Variants in NBAS observed in about 807,000 individuals in gnomAD.
NBAS encodes the protein NAG/BC035112 fusion.
NBAS carries 219 observed loss-of-function variants against 302.5 expected under a neutral mutation model. The ratio of observed to expected loss-of-function variants is 0.72; its 90% confidence interval spans 0.65 to 0.81. The LOEUF is 0.81. Ranked by LOEUF, NBAS falls within the 30% of genes least tolerant of loss-of-function variation. The probability of loss-of-function intolerance (pLI) is 0.00; values close to 1 mark genes in which losing one functional copy is unlikely to be tolerated. For synonymous variants in NBAS, 1,118 were observed against 1,021.6 expected (o/e 1.09, Z -1.80); for missense variants, 2,932 against 2,841.6 (o/e 1.03, Z -0.72).
At chr2:14,825,029 A>T in the NBAS span, among the ~76,000 whole-genome samples, 7 of 152,164 alleles carry the variant, frequency 4.6e-5, no homozygotes, top group African/African-American at 1.7e-4. Flanking sequence ...CACATAAAGT[A>T]TTTTAATTCA....
At chr2:15,172,989 G>C (rs1468966805) in intron 51 of NBAS, among the ~76,000 whole-genome samples, 1 of 152,170 alleles carries the variant, frequency 6.6e-6, no homozygotes, top group African/African-American at 2.4e-5. Context: ...AAGCTTTTAA[G>C]TGCCCAGCAC....
the NBAS span, among the ~76,000 whole-genome samples, chr2:14,968,305 G>T: frequency 6.6e-6 from 1 of 152,032 alleles, no homozygotes; most frequent in East Asian, 1.9e-4. Context: ...AGTTGGCAAA[G>T]TCTCTAAATA....
At chr2:15,338,395 T>A (rs1672689714) in intron 35 of NBAS, among the ~76,000 whole-genome samples, 1 of 152,120 alleles carries the variant, frequency 6.6e-6, no homozygotes, top group South Asian at 2.1e-4. Context: ...GCAAATTTCA[T>A]CTGAACTCAA....
At chr2:15,308,579 G>A (rs919366119) in intron 39 of NBAS, among the ~76,000 whole-genome samples, 1 of 152,162 alleles carries the variant, frequency 6.6e-6, no homozygotes, top group African/African-American at 2.4e-5. Context: ...TAAGCTAACT[G>A]TAGAATTGAC....
chr2:15,357,694 T>C (rs1302819780), intron 32 of NBAS, among the ~76,000 whole-genome samples: 1 of 152,186 alleles, frequency 6.6e-6, no homozygotes, highest in Non-Finnish European at 1.5e-5. Context: ...CAGATGAATA[T>C]ATATATAAAT....
intron 26 of NBAS, among the ~76,000 whole-genome samples, chr2:15,397,137 T>A (rs1675902044): frequency 6.6e-6 from 1 of 152,294 alleles, no homozygotes; most frequent in South Asian, 2.1e-4. Context: ...AATAAAAATG[T>A]GCCTGGTAGG....
chr2:15,546,131 A>G (rs1483123072), intron 6 of NBAS, among the ~76,000 whole-genome samples: 2 of 152,222 alleles, frequency 1.3e-5, no homozygotes, highest in South Asian at 2.1e-4. Context: ...TTAACAACCT[A>G]TCTTTAAGTG....
At chr2:15,433,772 G>A (rs1477013665) in intron 21 of NBAS, among the ~76,000 whole-genome samples, 1 of 152,068 alleles carries the variant, frequency 6.6e-6, no homozygotes, top group Non-Finnish European at 1.5e-5. Context: ...AAGTACAAGA[G>A]AAAGTCACAA....
chr2:15,504,620 T>C (rs1661753775), intron 10 of NBAS, among the ~76,000 whole-genome samples: 1 of 152,176 alleles, frequency 6.6e-6, no homozygotes, highest in Non-Finnish European at 1.5e-5. Flanking sequence ...CAAAAAAGAC[T>C]TCATCATTAG....
chr2:15,012,706 CA>C, the NBAS span, among the ~76,000 whole-genome samples: 5 of 151,944 alleles, frequency 3.3e-5, no homozygotes, highest in Non-Finnish European at 7.4e-5. Flanking sequence ...GTGAATTTCT[CA>C]GTAAAAATCT....
chr2:14,824,486 A>G, the NBAS span, among the ~76,000 whole-genome samples: 2 of 151,746 alleles, frequency 1.3e-5, no homozygotes, highest in African/African-American at 2.4e-5. Context: ...AAAGAAAGAA[A>G]GGGAGGAAAA....
the NBAS span, among the ~76,000 whole-genome samples, chr2:14,831,160 G>GA: frequency 6.6e-6 from 1 of 150,412 alleles, no homozygotes; most frequent in Non-Finnish European, 1.5e-5. Flanking sequence ...TTTCTGTTTT[G>GA]TTTTTTTCAA....
rs370696627 is a variant in NBAS at position 15,461,183 on chromosome 2, G to C, written c.2339+18C>G. On this transcript the variant is annotated intron_variant, in intron 21 of 51. Transcript: ENST00000281513. ...AATATAAAAAAGAAGGTAAAATTCTGTTAACATAGTCACATACCAAGCTTC... is the reference window on the plus strand; with the variant it reads ...AATATAAAAAAGAAGGTAAAATTCTCTTAACATAGTCACATACCAAGCTTC... The C allele has an allele frequency of 9.9e-6, 16 of 1,609,576 alleles. No individual in the cohort carries two copies. The highest frequency in any genetic ancestry group is 1.4e-5 in the Non-Finnish European group (16 of 1,176,226).
At chr2:15,101,679 C>T in the NBAS span, among the ~76,000 whole-genome samples, 40 of 152,230 alleles carry the variant, frequency 2.6e-4, no homozygotes, top group Middle Eastern at 3.4e-3. Context: ...GATGGAGAAA[C>T]ATGGATTTCT....
the NBAS span, among the ~76,000 whole-genome samples, chr2:15,156,075 C>A: frequency 6.6e-6 from 1 of 152,172 alleles, no homozygotes; most frequent in African/African-American, 2.4e-5. Context: ...AAAAAGCAAC[C>A]ATTTCCTGCC....
chr2:15,272,722 A>T (rs539681328), intron 44 of NBAS, among the ~76,000 whole-genome samples: 2 of 152,270 alleles, frequency 1.3e-5, no homozygotes, highest in Non-Finnish European at 2.9e-5. Flanking sequence ...GCATTATACC[A>T]TCTGAGCTAA....
chr2:14,785,378 G>C, the NBAS span, among the ~76,000 whole-genome samples: 1 of 152,126 alleles, frequency 6.6e-6, no homozygotes, highest in Non-Finnish European at 1.5e-5. Flanking sequence ...TGGTGAGAGA[G>C]GGCATCCCTG....
chr2:14,808,476 G>A, the NBAS span, among the ~76,000 whole-genome samples: 1 of 152,308 alleles, frequency 6.6e-6, no homozygotes, highest in Admixed American at 6.5e-5. Context: ...TCTCATGATA[G>A]TAAATAAGTC....
intron 38 of NBAS, among the ~76,000 whole-genome samples, chr2:15,314,196 A>G (rs1558526301): frequency 6.6e-6 from 1 of 152,124 alleles, no homozygotes; most frequent in Non-Finnish European, 1.5e-5. Context: ...TCTACTAAAA[A>G]TACAAAAAAA....
Sources: allele counts gnomAD v4.1 joint callset (sites outside exome capture counted in the v4.1 genomes callset), GRCh38; gene constraint gnomAD v4.1.1; transcripts MANE v1.5; gene names NCBI Gene and HGNC (gene_info 2026-07-23, HGNC 2026-07-21).